RSRC1: variants seen among roughly 807,000 people sequenced by gnomAD.
RSRC1 encodes the protein arginine and serine rich coiled-coil 1.
In RSRC1, 39 loss-of-function variants were observed where a neutral mutation model predicts 49.1. That is an observed-to-expected ratio of 0.79 (90% CI 0.61 to 1.04). RSRC1 has a LOEUF of 1.04. RSRC1 is among the 50% of genes least tolerant of loss of function. The pLI, the probability that RSRC1 is intolerant of heterozygous loss-of-function variation, is 0.00. For synonymous variants in RSRC1, 143 were observed against 130.8 expected, an observed-to-expected ratio of 1.09 and a Z score of -0.63; for missense variants, 388 against 402.4, an observed-to-expected ratio of 0.96 and a Z score of 0.31.
intron 7 of RSRC1, among the ~76,000 whole-genome samples, chr3:158,463,598 G>A (rs1737729861): frequency 6.6e-6 from 1 of 152,088 alleles, no homozygotes; most frequent in Non-Finnish European, 1.5e-5. Context: ...GTAGATAAAT[G>A]TTGTCTACCC....
intron 3 of RSRC1, among the ~76,000 whole-genome samples, chr3:158,142,899 C>G (rs936654194): frequency 6.6e-6 from 1 of 152,160 alleles, no homozygotes; most frequent in African/African-American, 2.4e-5. Flanking sequence ...AGACAGCGAT[C>G]AAGTCTTACT....
chr3:158,228,964 A>G (rs1722707482), intron 4 of RSRC1, among the ~76,000 whole-genome samples: 1 of 109,698 alleles, frequency 9.1e-6, no homozygotes, highest in Admixed American at 1.0e-4. Context: ...AAACACACAT[A>G]CGTGTATATG....
intron 6 of RSRC1, among the ~76,000 whole-genome samples, chr3:158,455,598 G>C (rs563971113): frequency 6.6e-6 from 1 of 152,054 alleles, no homozygotes; most frequent in Non-Finnish European, 1.5e-5. Context: ...TTAGCCCCTT[G>C]TCACCTCTGC....
At position 158,368,436 on chromosome 3, in the gene RSRC1, G is replaced by A. The variant is rs550719928; in HGVS notation, c.583+13528G>A. 5.3e-5 allele frequency among the ~76,000 whole-genome samples: 8 copies of A among 152,328 alleles called. No homozygotes were observed. The East Asian group carries it at 5.8e-4, about 11-fold the overall frequency. On this transcript the variant is annotated intron_variant, in intron 6 of 9. Coordinates refer to ENST00000611884, the MANE Select transcript of RSRC1 (RefSeq NM_001271838.2). ...TTGTATAAATCCTGGGTAGGAATAC[G>A]TTTATGGGTCACTTCCTACCAGGAC...
chr3:158,201,043 G>T (rs940002926), intron 3 of RSRC1, among the ~76,000 whole-genome samples: 1 of 152,022 alleles, frequency 6.6e-6, no homozygotes, highest in African/African-American at 2.4e-5. Flanking sequence ...CAAGTCTTCT[G>T]TTGATATTTG....
At chr3:158,159,271 T>C (rs1463152312) in intron 3 of RSRC1, among the ~76,000 whole-genome samples, 1 of 152,068 alleles carries the variant, frequency 6.6e-6, no homozygotes, top group Non-Finnish European at 1.5e-5. Flanking sequence ...ACTATGAAAG[T>C]AAGGAGTAGC....
intron 6 of RSRC1, among the ~76,000 whole-genome samples, chr3:158,420,287 A>G (rs1734970384): frequency 6.6e-6 from 1 of 151,976 alleles, no homozygotes; most frequent in South Asian, 2.1e-4. Context: ...CTCTTAATGA[A>G]TAAGGAAACA....
At chr3:158,331,388 C>T (rs1049931886) in intron 5 of RSRC1, among the ~76,000 whole-genome samples, 3 of 152,146 alleles carry the variant, frequency 2.0e-5, no homozygotes, top group African/African-American at 7.2e-5. Context: ...TATAAACTTA[C>T]AAGAACTTTT....
chr3:158,510,677 T>C (rs971682633), intron 7 of RSRC1, among the ~76,000 whole-genome samples: 2 of 152,236 alleles, frequency 1.3e-5, no homozygotes, highest in Non-Finnish European at 2.9e-5. Context: ...CTTTTTAAGC[T>C]ATTTTTAAAT....
At chr3:158,176,179 A>G (rs1046055758) in intron 3 of RSRC1, among the ~76,000 whole-genome samples, 8 of 152,224 alleles carry the variant, frequency 5.3e-5, no homozygotes, top group African/African-American at 1.7e-4. Context: ...AGAACATTCC[A>G]TGCTAATGGA....
chr3:158,464,426 C>A (rs1044296762), intron 7 of RSRC1, among the ~76,000 whole-genome samples: 5 of 152,036 alleles, frequency 3.3e-5, no homozygotes, highest in African/African-American at 1.2e-4. Context: ...ACAGCTCTAC[C>A]CATCTGTTAG....
chr3:158,496,675 A>G, intron 7 of RSRC1: 1 of 191,238 alleles, frequency 5.2e-6, no homozygotes, highest in Non-Finnish European at 1.2e-5. Flanking sequence ...GACAAGTTCC[A>G]AGCCCACCTT....
chr3:158,200,878 A>G (rs1721006445), intron 3 of RSRC1, among the ~76,000 whole-genome samples: 1 of 152,106 alleles, frequency 6.6e-6, no homozygotes, highest in South Asian at 2.1e-4. Context: ...GAGCACTTAT[A>G]TGTGTTTTAA....
chr3:158,148,350 G>GGTGT (rs1379216222), intron 3 of RSRC1, among the ~76,000 whole-genome samples: 1 of 118,862 alleles, frequency 8.4e-6, no homozygotes, highest in African/African-American at 3.5e-5. Context: ...GTTCTTAAAA[G>GGTGT]GTGTGTGTGT....
At chr3:158,440,885 AGACCC>A (rs1354078126) in intron 6 of RSRC1, among the ~76,000 whole-genome samples, 5 of 152,004 alleles carry the variant, frequency 3.3e-5, no homozygotes, top group African/African-American at 1.2e-4. Context: ...GAGCTTGCAG[AGACCC>A]GAGATCACCC....
At chr3:158,310,998 G>C (rs1219046358) in intron 5 of RSRC1, among the ~76,000 whole-genome samples, 2 of 151,766 alleles carry the variant, frequency 1.3e-5, no homozygotes, top group Admixed American at 6.6e-5. Flanking sequence ...CTAAATAAAT[G>C]TGTATTTCAA....
At chr3:158,505,372 T>A (rs1739805085) in intron 7 of RSRC1, among the ~76,000 whole-genome samples, 1 of 152,198 alleles carries the variant, frequency 6.6e-6, no homozygotes. Flanking sequence ...GCCAGCTTTC[T>A]TTCACCCTAG....
At chr3:158,407,620 G>T (rs910799768) in intron 6 of RSRC1, among the ~76,000 whole-genome samples, 3 of 151,982 alleles carry the variant, frequency 2.0e-5, no homozygotes, top group Admixed American at 6.6e-5. Context: ...TTATTAATCT[G>T]TTTTAATGAA....
At chr3:158,326,748 T>C (rs1200681929) in intron 5 of RSRC1, among the ~76,000 whole-genome samples, 3 of 152,188 alleles carry the variant, frequency 2.0e-5, no homozygotes, top group African/African-American at 2.4e-5. Flanking sequence ...CCTCATAAAA[T>C]GAGTTAGGGA....
Sources: allele counts gnomAD v4.1 joint callset (sites outside exome capture counted in the v4.1 genomes callset), GRCh38; gene constraint gnomAD v4.1.1; transcripts MANE v1.5; gene names NCBI Gene and HGNC (gene_info 2026-07-23, HGNC 2026-07-21).